The following TESC variants were observed in gnomAD, a reference collection of about 807,000 sequenced individuals.
TESC encodes the protein calcineurin B homologous protein 3.
Under a neutral mutation model 31.0 loss-of-function variants are expected in TESC, and 19 were observed. The ratio of observed to expected loss-of-function variants is 0.61; its 90% CI spans 0.43 to 0.90. The LOEUF is 0.90. Ranked by LOEUF, TESC falls within the 40% of genes least tolerant of loss-of-function variation. The pLI, the probability that TESC is intolerant of heterozygous loss-of-function variation, is 0.00. For missense variants in TESC, 248 were observed against 303.8 expected (o/e 0.82, Z 1.36); for synonymous variants, 109 against 114.8 (o/e 0.95, Z 0.32).
intron 3 of TESC, among the ~76,000 whole-genome samples, chr12:117,052,078 T>TAA (rs1244291607): frequency 6.6e-6 from 1 of 152,158 alleles, no homozygotes; most frequent in African/African-American, 2.4e-5. Flanking sequence ...CCCAGCCCTC[T>TAA]AACTCCCATT....
chr12:117,076,555 C>A (rs553528990), intron 1 of TESC, among the ~76,000 whole-genome samples: 2 of 152,150 alleles, frequency 1.3e-5, no homozygotes, highest in African/African-American at 4.8e-5. Flanking sequence ...GCGATTCTCG[C>A]GCCCCAGCCT....
chr12:117,042,541 G>A (rs375692603), intron 6 of TESC, among the ~76,000 whole-genome samples: 2 of 151,738 alleles, frequency 1.3e-5, no homozygotes, highest in Admixed American at 6.6e-5. Context: ...CTCATGCCTC[G>A]TGAGTCACCG....
At chr12:117,082,613 G>C (rs1161780860) in intron 1 of TESC, among the ~76,000 whole-genome samples, 1 of 151,968 alleles carries the variant, frequency 6.6e-6, no homozygotes, top group Non-Finnish European at 1.5e-5. Context: ...AATATTTTTT[G>C]AATATTGTGG....
chr12:117,045,600 C>G (rs1039083519), intron 6 of TESC, among the ~76,000 whole-genome samples: 1 of 152,202 alleles, frequency 6.6e-6, no homozygotes, highest in Non-Finnish European at 1.5e-5. Context: ...CGTCAGGAAA[C>G]CAACCGACCA....
chr12:117,075,941 G>GTATA (rs1565971763), intron 1 of TESC, among the ~76,000 whole-genome samples: 2 of 55,140 alleles, frequency 3.6e-5, no homozygotes, highest in Non-Finnish European at 6.6e-5. Flanking sequence ...ATATATATAT[G>GTATA]TATATATACA....
intron 2 of TESC, among the ~76,000 whole-genome samples, chr12:117,066,779 G>A (rs1565967322): frequency 6.6e-6 from 1 of 152,016 alleles, no homozygotes; most frequent in East Asian, 1.9e-4. Context: ...AGGGGAAGGG[G>A]AGCCTCCCCT....
At position 117,048,916 on chromosome 12, in the gene TESC, A is replaced by C. The variant is rs1368289712; in HGVS notation, c.349+103T>G. On this transcript the variant is annotated intron_variant, in intron 4 of 7. Coordinates refer to ENST00000335209, the MANE Select transcript of TESC (RefSeq NM_017899.4). ...CCAAGCCCTCCAAGCCCCCAAGCCA[A>C]TGCACACCCAGCCTCCTGCTGCAGA... The C allele has an allele frequency of 1.1e-5, 18 of 1,571,634 alleles. No homozygotes were observed. The East Asian group carries it at 3.7e-4, about 32-fold the overall frequency.
intron 1 of TESC, among the ~76,000 whole-genome samples, chr12:117,083,630 G>A (rs1955178159): frequency 6.6e-6 from 1 of 152,232 alleles, no homozygotes; most frequent in African/African-American, 2.4e-5. Context: ...TGTGAAAGAA[G>A]CCAGACATAC....
chr12:117,096,836 C>T (rs994510396), intron 1 of TESC, among the ~76,000 whole-genome samples: 1 of 152,162 alleles, frequency 6.6e-6, no homozygotes, highest in Non-Finnish European at 1.5e-5. Flanking sequence ...CTGGCTTGTC[C>T]CTGCCACAGG....
chr12:117,059,204 G>A (rs1424709333), intron 2 of TESC, among the ~76,000 whole-genome samples: 2 of 152,228 alleles, frequency 1.3e-5, no homozygotes, highest in Admixed American at 6.5e-5. Flanking sequence ...ACTCTACGCC[G>A]TTTGGGTTGG....
chr12:117,069,098 C>CTT (rs368619527), intron 2 of TESC, among the ~76,000 whole-genome samples: 13 of 147,784 alleles, frequency 8.8e-5, no homozygotes, highest in African/African-American at 2.2e-4. Context: ...ATAGAAATTC[C>CTT]TTTTTTTTTT....
intron 2 of TESC, among the ~76,000 whole-genome samples, chr12:117,072,747 C>T (rs11068315): frequency 0.054 from 8,239 of 152,246 alleles, 340 homozygotes; most frequent in Non-Finnish European, 0.077. Flanking sequence ...CAGCTACCAG[C>T]GTAGGTACCA....
chr12:117,039,330 G>T, intron 7 of TESC, 120 bp from the exon 8 acceptor site: 2 of 976,248 alleles, frequency 2.0e-6, no homozygotes, highest in Non-Finnish European at 3.1e-6. Flanking sequence ...GATGTTCCAG[G>T]CAGGTGAAAA....
chr12:117,075,939 A>ATGTG (rs1213149673), intron 1 of TESC, among the ~76,000 whole-genome samples: 3 of 104,016 alleles, frequency 2.9e-5, no homozygotes, highest in African/African-American at 4.8e-5. Flanking sequence ...ATATATATAT[A>ATGTG]TGTATATATA....
At chr12:117,084,353 G>C (rs751193496) in intron 1 of TESC, among the ~76,000 whole-genome samples, 5 of 152,194 alleles carry the variant, frequency 3.3e-5, no homozygotes, top group African/African-American at 4.8e-5. Flanking sequence ...GCCCGTGCAG[G>C]CATGAACTGG....
At chr12:117,063,346 C>T (rs573047439) in intron 2 of TESC, among the ~76,000 whole-genome samples, 10 of 152,282 alleles carry the variant, frequency 6.6e-5, no homozygotes, top group Admixed American at 5.9e-4. Flanking sequence ...ACCCAGCCCC[C>T]AGCCCTCAGC....
At chr12:117,048,489 G>A (rs1456778496) in intron 4 of TESC, among the ~76,000 whole-genome samples, 1 of 152,200 alleles carries the variant, frequency 6.6e-6, no homozygotes, top group African/African-American at 2.4e-5. Context: ...GACCTGTGCG[G>A]CTGGCCAGCT....
chr12:117,053,973 C>A (rs1954685494), intron 3 of TESC: 1 of 152,242 alleles, frequency 6.6e-6, no homozygotes, highest in African/African-American at 2.4e-5. Context: ...GAGGTGAGGG[C>A]ACCGGATTCC....
chr12:117,068,799 GCAC>G (rs1371086140), intron 2 of TESC, among the ~76,000 whole-genome samples: 5 of 152,134 alleles, frequency 3.3e-5, no homozygotes, highest in Non-Finnish European at 7.3e-5. Context: ...CTAATGGCCT[GCAC>G]CACTACATCT....
Sources: gnomAD v4.1 joint callset for allele counts (sites outside exome capture counted in the v4.1 genomes callset) on GRCh38, gnomAD v4.1.1 for gene constraint, MANE v1.5 for transcripts, NCBI Gene and HGNC (gene_info 2026-07-23, HGNC 2026-07-21) for gene names.